Variants in SUPT3H observed in about 807,000 individuals in gnomAD.
SUPT3H encodes transcription initiation protein SPT3 homolog.
Under a neutral mutation model 44.3 loss-of-function variants are expected in SUPT3H, and 44 were observed. The ratio of observed to expected loss-of-function variants is 0.99; its 90% CI spans 0.78 to 1.28. SUPT3H has a LOEUF of 1.28. SUPT3H is among the 50% of genes most tolerant of loss of function. The pLI is 0.00. For synonymous variants in SUPT3H, 124 were observed against 125.6 expected (o/e 0.99, Z 0.09); for missense variants, 380 against 387.1 (o/e 0.98, Z 0.15).
rs1491361687 is a variant in SUPT3H at position 44,928,909 on chromosome 6, A to AAAAAAAAG, written c.912+3743_912+3744insCTTTTTTT. On this transcript the variant is annotated intron_variant, in intron 10 of 10. Transcript: ENST00000371459. ...AAAAAAAAAAAAAAAAAAAAAGAAA[A>AAAAAAAAG]GAAAAGAAACAAATCACCAATGAAA... Among the ~76,000 whole-genome samples the AAAAAAAAG allele has an allele frequency of 2.6e-4, 36 of 139,140 alleles. 1 individual carries two copies. Among genetic ancestry groups the AAAAAAAAG allele is most frequent in the African/African-American group, 9.2e-4 (34 of 36,882 alleles). The allele number at this position is 139,140 out of a possible 152,430, so 91.3% of individuals were successfully genotyped here.
intron 2 of SUPT3H, among the ~76,000 whole-genome samples, chr6:45,304,783 G>A (rs989082702): frequency 1.3e-5 from 2 of 151,992 alleles, no homozygotes; most frequent in Admixed American, 6.6e-5. Context: ...AAATATCTTA[G>A]AAAATGCACA....
At chr6:45,126,663 T>C (rs1802473939) in intron 2 of SUPT3H, among the ~76,000 whole-genome samples, 1 of 152,154 alleles carries the variant, frequency 6.6e-6, no homozygotes, top group Non-Finnish European at 1.5e-5. Context: ...GATGTAAGGA[T>C]TAAGGACACT....
intron 3 of SUPT3H, among the ~76,000 whole-genome samples, chr6:45,045,280 T>C (rs1478583132): frequency 6.6e-6 from 1 of 152,122 alleles, no homozygotes; most frequent in African/African-American, 2.4e-5. Flanking sequence ...TTATAAGAAA[T>C]GAAACTGCTT....
intron 2 of SUPT3H, among the ~76,000 whole-genome samples, chr6:45,345,597 G>T (rs1007304298): frequency 2.0e-5 from 3 of 152,050 alleles, no homozygotes; most frequent in Non-Finnish European, 4.4e-5. Flanking sequence ...AAATCCCCAA[G>T]ACCTAACAAT....
chr6:45,071,216 C>A (rs555956660), intron 3 of SUPT3H, among the ~76,000 whole-genome samples: 21 of 152,050 alleles, frequency 1.4e-4, no homozygotes, highest in Middle Eastern at 3.4e-3. Context: ...TTAACAGACA[C>A]CTGGGAAACC....
intron 1 of SUPT3H, among the ~76,000 whole-genome samples, chr6:45,376,267 T>C (rs77934227): frequency 0.031 from 4,701 of 152,290 alleles, 92 homozygotes; most frequent in Non-Finnish European, 0.047. Context: ...TGAATATAAT[T>C]ACAATTCCCT....
intron 10 of SUPT3H, among the ~76,000 whole-genome samples, chr6:44,910,175 TCTC>T (rs1766789466): frequency 1.3e-5 from 2 of 151,936 alleles, no homozygotes; most frequent in Admixed American, 1.3e-4. Flanking sequence ...TCCCCTATCT[TCTC>T]CTTCTCTCTT....
chr6:45,274,986 T>C (rs939865063), intron 2 of SUPT3H, among the ~76,000 whole-genome samples: 2 of 152,218 alleles, frequency 1.3e-5, no homozygotes, highest in Non-Finnish European at 2.9e-5. Context: ...GCATATTATA[T>C]TAATTGATTT....
intron 2 of SUPT3H, among the ~76,000 whole-genome samples, chr6:45,304,089 T>C (rs987303147): frequency 3.9e-5 from 6 of 152,140 alleles, no homozygotes; most frequent in Non-Finnish European, 7.3e-5. Context: ...GAGAACTAAG[T>C]ACTAGTATAC....
chr6:45,268,739 A>G (rs964867661), intron 2 of SUPT3H, among the ~76,000 whole-genome samples: 4 of 152,194 alleles, frequency 2.6e-5, no homozygotes, highest in African/African-American at 9.6e-5. Flanking sequence ...CAACAAAACT[A>G]AATGTTAGAT....
At chr6:45,014,606 T>C (rs972923492) in intron 5 of SUPT3H, among the ~76,000 whole-genome samples, 195 bp downstream of exon 5, 2 of 152,096 alleles carry the variant, frequency 1.3e-5, no homozygotes, top group East Asian at 1.9e-4. Context: ...ATGAGAAGTG[T>C]AGTAATATTA....
chr6:45,061,115 T>G (rs1791937257), intron 3 of SUPT3H, among the ~76,000 whole-genome samples: 1 of 152,144 alleles, frequency 6.6e-6, no homozygotes, highest in Admixed American at 6.5e-5. Flanking sequence ...CAAAGGAATA[T>G]AAATCATTCA....
At chr6:45,189,967 C>G (rs1005728592) in intron 2 of SUPT3H, among the ~76,000 whole-genome samples, 1 of 152,172 alleles carries the variant, frequency 6.6e-6, no homozygotes, top group Admixed American at 6.5e-5. Flanking sequence ...CCCTTTGGAA[C>G]TAGGCCAAGG....
At chr6:45,271,259 G>A (rs1384424351) in intron 2 of SUPT3H, among the ~76,000 whole-genome samples, 1 of 152,188 alleles carries the variant, frequency 6.6e-6, no homozygotes, top group Non-Finnish European at 1.5e-5. Context: ...TGAGCAAAAT[G>A]TCTCCAGGGA....
intron 10 of SUPT3H, among the ~76,000 whole-genome samples, chr6:44,879,654 G>A (rs1049461969): frequency 6.7e-6 from 1 of 148,988 alleles, no homozygotes; most frequent in Non-Finnish European, 1.5e-5. Flanking sequence ...AGTAGGGGCT[G>A]ACAGACACCT....
chr6:45,105,944 A>T lies in SUPT3H; in HGVS notation c.164T>A (p.Val55Glu). The T allele has an allele frequency of 6.2e-7, 1 of 1,613,678 alleles. No individual in the cohort carries two copies. The highest frequency in any genetic ancestry group is 8.5e-7 in the Non-Finnish European group (1 of 1,179,740). Residue 55 changes from valine to glutamate, a missense_variant, in exon 3 of 11, where the codon GTA becomes GAA. Val to Glu is a moderately radical substitution (Grantham distance 121, BLOSUM62 -2). Transcript: ENST00000371459. ...TACCAGATTAATTAACTGAGTGTGTACCACATCTTCTACCAAAACTGCTGT... is the reference window on the plus strand; with the variant it reads ...TACCAGATTAATTAACTGAGTGTGTTCCACATCTTCTACCAAAACTGCTGT... ...HETAVLVEDVVHTQLINLLQQ... is the reference protein window; with the variant it reads ...HETAVLVEDVEHTQLINLLQQ...
intron 6 of SUPT3H, among the ~76,000 whole-genome samples, chr6:44,996,853 G>C (rs1781342955): frequency 6.6e-6 from 1 of 151,778 alleles, no homozygotes; most frequent in Non-Finnish European, 1.5e-5. Flanking sequence ...GTAAGGTTAA[G>C]AGTTATCATT....
intron 9 of SUPT3H, among the ~76,000 whole-genome samples, chr6:44,936,944 GGCATGAGCCACT>G (rs1433970759): frequency 6.6e-6 from 1 of 151,998 alleles, no homozygotes; most frequent in African/African-American, 2.4e-5. Flanking sequence ...TGGAATTACA[GGCATGAGCCACT>G]GCACCTGACC....
chr6:45,179,706 T>G (rs886623848), intron 2 of SUPT3H, among the ~76,000 whole-genome samples: 5 of 151,050 alleles, frequency 3.3e-5, no homozygotes, highest in Non-Finnish European at 7.4e-5. Flanking sequence ...TCTCAATAAA[T>G]TAGGGACGTA....
Sources: allele counts gnomAD v4.1 joint callset (sites outside exome capture counted in the v4.1 genomes callset), GRCh38; gene constraint gnomAD v4.1.1; transcripts MANE v1.5; gene names NCBI Gene and HGNC (gene_info 2026-07-23, HGNC 2026-07-21).